The following TPTE variants were observed in gnomAD, a reference collection of about 807,000 sequenced individuals.
TPTE encodes the protein transmembrane phosphatase with tensin homology, also known as putative tyrosine-protein phosphatase TPTE.
In TPTE, 59 loss-of-function variants were observed where a neutral mutation model predicts 84.1. That is an observed-to-expected ratio of 0.70 (90% confidence interval 0.57 to 0.87). The LOEUF is 0.87. TPTE is among the 40% of genes least tolerant of loss of function. The pLI, the probability that TPTE is intolerant of heterozygous loss-of-function variation, is 0.00. For synonymous variants in TPTE, 130 were observed against 223.5 expected (o/e 0.58, Z 3.73); for missense variants, 382 against 659.6 (o/e 0.58, Z 4.61).
At chr21:10,591,380 G>A (rs1229550695) in intron 18 of TPTE, among the ~76,000 whole-genome samples, 1 of 152,310 alleles carries the variant, frequency 6.6e-6, no homozygotes, top group African/African-American at 2.4e-5. Context: ...TCTAATTTGA[G>A]ATACACAGAT....
At chr21:10,546,559 CA>C (rs976191938) in intron 7 of TPTE, among the ~76,000 whole-genome samples, 1 of 152,292 alleles carries the variant, frequency 6.6e-6, no homozygotes, top group Non-Finnish European at 1.5e-5. Flanking sequence ...AAAACAAAAA[CA>C]AAAACAAAAC....
chr21:10,539,239 C>T (rs1214158568), intron 4 of TPTE, among the ~76,000 whole-genome samples: 1 of 152,306 alleles, frequency 6.6e-6, no homozygotes, highest in African/African-American at 2.4e-5. Flanking sequence ...AGCAGTGAAG[C>T]CCTGGGCAGA....
At chr21:10,591,772 T>G (rs1177343439) in intron 18 of TPTE, among the ~76,000 whole-genome samples, 2 of 152,308 alleles carry the variant, frequency 1.3e-5, no homozygotes, top group African/African-American at 4.8e-5. Flanking sequence ...TTGGACCAGA[T>G]GCTTTCTAAG....
chr21:10,554,220 A>G (rs369459582), intron 8 of TPTE, among the ~76,000 whole-genome samples: 76 of 152,380 alleles, frequency 5.0e-4, no homozygotes, highest in Middle Eastern at 3.4e-3. Context: ...TAGATGTGCT[A>G]TAATTCATTT....
At chr21:10,538,507 A>T (rs1307206140) in intron 3 of TPTE, among the ~76,000 whole-genome samples, 174 bp from the exon 4 acceptor site, 1 of 152,300 alleles carries the variant, frequency 6.6e-6, no homozygotes, top group Non-Finnish European at 1.5e-5. Context: ...GGTTGCCATC[A>T]TATAAATCCT....
chr21:10,522,984 C>T (rs528715656), intron 1 of TPTE, among the ~76,000 whole-genome samples: 3 of 152,420 alleles, frequency 2.0e-5, no homozygotes, highest in Non-Finnish European at 4.4e-5. Context: ...AGTTATGCCC[C>T]CAAGTCCTAT....
intron 20 of TPTE, among the ~76,000 whole-genome samples, chr21:10,596,629 G>A (rs1439360634): frequency 6.6e-6 from 1 of 152,424 alleles, no homozygotes; most frequent in African/African-American, 2.4e-5. Flanking sequence ...AGCAGGATGT[G>A]TCTGTGTGGA....
chr21:10,604,059 G>A (rs904120867), intron 23 of TPTE, among the ~76,000 whole-genome samples: 1 of 152,308 alleles, frequency 6.6e-6, no homozygotes, highest in Non-Finnish European at 1.5e-5. Flanking sequence ...TAGCTGAAAA[G>A]CTGACTGACA....
At chr21:10,534,312 T>C (rs542334066) in intron 3 of TPTE, among the ~76,000 whole-genome samples, 1 of 152,428 alleles carries the variant, frequency 6.6e-6, no homozygotes, top group Admixed American at 6.5e-5. Context: ...CTTCAGCCCT[T>C]CCCTGTTTTC....
At chr21:10,580,539 T>G (rs1385889897) in intron 17 of TPTE, among the ~76,000 whole-genome samples, 10 of 152,264 alleles carry the variant, frequency 6.6e-5, no homozygotes, top group African/African-American at 2.4e-4. Context: ...TTGGGTGAGA[T>G]AGGTTGCAAT....
chr21:10,588,541 A>G (rs556246011), intron 17 of TPTE, among the ~76,000 whole-genome samples: 9 of 152,390 alleles, frequency 5.9e-5, no homozygotes, highest in African/African-American at 2.2e-4. Context: ...GCTTTATTGT[A>G]CTTAGATGTC....
chr21:10,530,841 T>G (rs2074164920), intron 3 of TPTE, among the ~76,000 whole-genome samples: 1 of 152,312 alleles, frequency 6.6e-6, no homozygotes, highest in East Asian at 1.9e-4. Context: ...ACTTTCCAAT[T>G]TATATAATCA....
At chr21:10,568,304 C>T (rs1343388812) in intron 11 of TPTE, among the ~76,000 whole-genome samples, 2 of 152,310 alleles carry the variant, frequency 1.3e-5, no homozygotes, top group Non-Finnish European at 2.9e-5. Flanking sequence ...AGAGTGACTT[C>T]AATCATGAGT....
chr21:10,567,558 T>C, intron 10 of TPTE, 112 bp from the exon 11 acceptor site: 1 of 1,533,456 alleles, frequency 6.5e-7, no homozygotes, highest in South Asian at 1.3e-5. Context: ...TTTTAAATAA[T>C]TCATGATAGT....
chr21:10,522,510 A>C (rs1455904110), intron 1 of TPTE, among the ~76,000 whole-genome samples: 1 of 152,308 alleles, frequency 6.6e-6, no homozygotes, highest in Non-Finnish European at 1.5e-5. Context: ...GGGCTGGGAC[A>C]AGTTGGAAAC....
chr21:10,542,198 C>T (rs2074381415), intron 5 of TPTE, among the ~76,000 whole-genome samples, 197 bp from the exon 6 acceptor site: 1 of 152,306 alleles, frequency 6.6e-6, no homozygotes, highest in Non-Finnish European at 1.5e-5. Context: ...TTTTCCCCCG[C>T]CTAAGATTTT....
At chr21:10,531,575 C>T (rs1041126280) in intron 3 of TPTE, among the ~76,000 whole-genome samples, 12 of 152,422 alleles carry the variant, frequency 7.9e-5, no homozygotes, top group African/African-American at 2.9e-4. Flanking sequence ...CATGGAATCC[C>T]ATTCAAAAGT....
chr21:10,563,107 A>G (rs2074842076), intron 10 of TPTE, among the ~76,000 whole-genome samples: 1 of 152,308 alleles, frequency 6.6e-6, no homozygotes, highest in Non-Finnish European at 1.5e-5. Flanking sequence ...GGCATGACAT[A>G]TTGAAAGTGC....
At chr21:10,523,906 T>A (rs1268749699) in intron 1 of TPTE, among the ~76,000 whole-genome samples, 1 of 152,308 alleles carries the variant, frequency 6.6e-6, no homozygotes, top group Non-Finnish European at 1.5e-5. Flanking sequence ...TAGTTTACAG[T>A]CCCACCAACA....
Sources: allele counts gnomAD v4.1 joint callset (sites outside exome capture counted in the v4.1 genomes callset), GRCh38; gene constraint gnomAD v4.1.1; transcripts MANE v1.5; gene names NCBI Gene and HGNC (gene_info 2026-07-23, HGNC 2026-07-21).